The following THSD7B variants were observed in gnomAD, a reference collection of about 807,000 sequenced individuals.
THSD7B encodes thrombospondin type 1 domain containing 7B, also known as thrombospondin type-1 domain-containing protein 7B.
Under a neutral mutation model 213.6 loss-of-function variants are expected in THSD7B, and 138 were observed. The ratio of observed to expected loss-of-function variants is 0.65; its 90% confidence interval spans 0.56 to 0.74. The LOEUF is 0.74. Ranked by LOEUF, THSD7B falls within the 30% of genes least tolerant of loss-of-function variation. THSD7B has a pLI of 0.00. For synonymous variants in THSD7B, 742 were observed against 687.0 expected (o/e 1.08, Z -1.25); for missense variants, 1,931 against 1,991.5 (o/e 0.97, Z 0.58).
At chr2:136,807,509 G>GGTTTTTTTT (rs1682303012) in intron 1 of THSD7B, among the ~76,000 whole-genome samples, 1 of 104,896 alleles carries the variant, frequency 9.5e-6, no homozygotes, top group Non-Finnish European at 1.8e-5. Context: ...AAAATGTTTC[G>GGTTTTTTTT]TTTTTTTTTT....
chr2:137,181,615 G>T (rs1339434947), intron 7 of THSD7B, among the ~76,000 whole-genome samples: 2 of 152,130 alleles, frequency 1.3e-5, no homozygotes, highest in Admixed American at 6.6e-5. Flanking sequence ...TTCTGCAGGG[G>T]AATCTCCTCA....
chr2:137,597,424 G>A (rs936379513), intron 17 of THSD7B, among the ~76,000 whole-genome samples: 2 of 150,948 alleles, frequency 1.3e-5, no homozygotes, highest in African/African-American at 2.4e-5. Flanking sequence ...CCTAATCCAA[G>A]ACGGTCCAAT....
intron 2 of THSD7B, among the ~76,000 whole-genome samples, chr2:136,957,908 G>T (rs1254594950): frequency 6.6e-6 from 1 of 152,146 alleles, no homozygotes; most frequent in Non-Finnish European, 1.5e-5. Flanking sequence ...GGATTAATAT[G>T]CTGCCTATGT....
chr2:137,630,630 T>C (rs971009319), intron 20 of THSD7B, among the ~76,000 whole-genome samples: 2 of 152,204 alleles, frequency 1.3e-5, no homozygotes, highest in African/African-American at 4.8e-5. Context: ...ATGTATGGTA[T>C]AGATGAACTT....
intron 1 of THSD7B, among the ~76,000 whole-genome samples, chr2:136,836,382 C>G (rs60150532): frequency 0.054 from 8,261 of 152,230 alleles, 289 homozygotes; most frequent in East Asian, 0.16. Flanking sequence ...TCTTCACTGT[C>G]AGGAGGTCCA....
chr2:137,030,032 T>C (rs1367957168), intron 2 of THSD7B, among the ~76,000 whole-genome samples: 1 of 152,186 alleles, frequency 6.6e-6, no homozygotes, highest in African/African-American at 2.4e-5. Context: ...GAGAAGCAGC[T>C]CCTGCCCACA....
chr2:137,076,800 C>T (rs1687634629), intron 3 of THSD7B, among the ~76,000 whole-genome samples: 1 of 152,002 alleles, frequency 6.6e-6, no homozygotes, highest in Admixed American at 6.6e-5. Context: ...TTTACAGATA[C>T]AGTATATTGT....
chr2:136,911,043 G>A (rs1366718053), intron 2 of THSD7B, among the ~76,000 whole-genome samples: 1 of 151,822 alleles, frequency 6.6e-6, no homozygotes, highest in Non-Finnish European at 1.5e-5. Context: ...ATATGATGAA[G>A]ATATTATGAA....
intron 2 of THSD7B, among the ~76,000 whole-genome samples, chr2:136,905,543 C>A (rs1684144858): frequency 6.6e-6 from 1 of 152,190 alleles, no homozygotes; most frequent in Non-Finnish European, 1.5e-5. Flanking sequence ...AATGTATTAG[C>A]AAGACCATGT....
intron 17 of THSD7B, among the ~76,000 whole-genome samples, chr2:137,603,169 A>G (rs1002497099): frequency 1.4e-4 from 22 of 152,162 alleles, no homozygotes; most frequent in African/African-American, 5.3e-4. Flanking sequence ...CACCATTGCA[A>G]TATGGACACC....
At chr2:136,774,636 A>T (rs1681568705) in intron 1 of THSD7B, among the ~76,000 whole-genome samples, 1 of 152,102 alleles carries the variant, frequency 6.6e-6, no homozygotes, top group Non-Finnish European at 1.5e-5. Context: ...GGTAGCTTAA[A>T]TCTTACTTCA....
chr2:137,366,839 TTC>T (rs1420275987), intron 12 of THSD7B, among the ~76,000 whole-genome samples: 5 of 152,162 alleles, frequency 3.3e-5, no homozygotes, highest in African/African-American at 1.2e-4. Context: ...TAACTATGTT[TTC>T]TCTTTCTGTT....
chr2:137,014,301 T>G (rs1686292727), intron 2 of THSD7B, among the ~76,000 whole-genome samples: 1 of 152,158 alleles, frequency 6.6e-6, no homozygotes, highest in Admixed American at 6.5e-5. Context: ...TGGTTGTGGT[T>G]TTCATCAGCC....
In THSD7B at chr2:137,549,850, T is replaced by C. The variant is rs142128879; in HGVS notation, c.3139-13371T>C. Among the ~76,000 whole-genome samples the C allele has an allele frequency of 1.2e-3, 184 of 152,072 alleles. 5 individuals carry two copies. In the East Asian group the frequency reaches 0.024, roughly 20 times the overall value. Reference sequence around the variant, plus strand: ...CTCAAGGTTCATCCATAACCTCTTTTCTGAAGACCTGTAAATTCAGCTCTT... The same window carrying C: ...CTCAAGGTTCATCCATAACCTCTTTCCTGAAGACCTGTAAATTCAGCTCTT... On this transcript the variant is annotated intron_variant, in intron 15 of 27. Transcript: ENST00000409968.
chr2:137,404,430 G>GAT (rs59001356), intron 12 of THSD7B, among the ~76,000 whole-genome samples: 164 of 49,286 alleles, frequency 3.3e-3, no homozygotes, highest in Middle Eastern at 0.019. Flanking sequence ...GAAACTCTGA[G>GAT]ATATATATAT....
intron 2 of THSD7B, among the ~76,000 whole-genome samples, chr2:137,032,386 G>C (rs1686692770): frequency 6.6e-6 from 1 of 152,088 alleles, no homozygotes; most frequent in Admixed American, 6.6e-5. Context: ...GTATATACTT[G>C]CAACCAGTAC....
intron 25 of THSD7B, among the ~76,000 whole-genome samples, chr2:137,663,058 C>A: frequency 6.9e-6 from 1 of 144,934 alleles, no homozygotes; most frequent in African/African-American, 2.6e-5. Flanking sequence ...GAGTGAAACT[C>A]CATCTAAAAA....
At position 137,094,975 on chromosome 2, in the gene THSD7B, A is replaced by T; in HGVS notation, c.1053A>T (p.Thr351=). 1 of 1,613,902 alleles carries T rather than the reference A, an allele frequency of 6.2e-7. No homozygotes were observed. Among genetic ancestry groups the T allele is most frequent in the Non-Finnish European group, 8.5e-7 (1 of 1,179,862 alleles). The change falls in exon 4 of 28, where the codon ACA becomes ACT. Residue 351 remains threonine, a synonymous_variant. Transcript: ENST00000409968. ...QWSSWSPCSK[T]CRSGSLLPGF... Reference sequence around the variant, plus strand: ...CCTCCTGGAGCCCCTGCTCCAAGACATGCCGTTCAGGGAGTCTCTTGCCAG... The same window carrying T: ...CCTCCTGGAGCCCCTGCTCCAAGACTTGCCGTTCAGGGAGTCTCTTGCCAG...
Position 137,616,348 on chromosome 2 carries a change from C to T in THSD7B, c.3565+32C>T, listed in dbSNP as rs143520252. The T allele has an allele frequency of 1.4e-3, 2,189 of 1,593,832 alleles. 41 individuals carry two copies. The East Asian group carries it at 0.035, about 26-fold the overall frequency. ...TTAAAATCTATGACCTTGTCGTTCT[C>T]CCTGAACATTGACTAATGAGAGAAT... is the stretch of plus-strand genomic sequence containing the variant. On this transcript the variant is annotated intron_variant, in intron 18 of 27. Coordinates refer to ENST00000409968, the MANE Select transcript of THSD7B (RefSeq NM_001316349.2).
Sources: gnomAD v4.1 joint callset for allele counts (sites outside exome capture counted in the v4.1 genomes callset) on GRCh38, gnomAD v4.1.1 for gene constraint, MANE v1.5 for transcripts, NCBI Gene and HGNC (gene_info 2026-07-23, HGNC 2026-07-21) for gene names.